PRKN: variants seen among roughly 807,000 people sequenced by gnomAD.
The protein encoded by PRKN is E3 ubiquitin-protein ligase parkin.
A neutral mutation model predicts 59.5 loss-of-function variants in PRKN; 56 were observed. The observed-to-expected ratio is 0.94, with a 90% CI of 0.76 to 1.18. PRKN has a LOEUF of 1.18. PRKN is among the 50% of genes most tolerant of loss of function. The probability of loss-of-function intolerance (pLI) is 0.00; values close to 1 mark genes in which losing one functional copy is unlikely to be tolerated. For missense variants in PRKN, 657 were observed against 596.4 expected, an observed-to-expected ratio of 1.10 and a Z score of -1.06; for synonymous variants, 250 against 222.1, an observed-to-expected ratio of 1.13 and a Z score of -1.12.
At chr6:162,306,994 C>A (rs1184884971) in intron 2 of PRKN, among the ~76,000 whole-genome samples, 1 of 152,158 alleles carries the variant, frequency 6.6e-6, no homozygotes, top group Admixed American at 6.5e-5. Context: ...GCATTAAATT[C>A]AAGATTTGTA....
intron 1 of PRKN, among the ~76,000 whole-genome samples, chr6:162,498,804 T>C (rs1251663840): frequency 1.3e-5 from 2 of 150,380 alleles, no homozygotes; most frequent in Non-Finnish European, 3.0e-5. Context: ...TATTATTCTG[T>C]AAGGTAAAAT....
intron 6 of PRKN, among the ~76,000 whole-genome samples, chr6:161,878,983 C>T (rs893518646): frequency 6.6e-6 from 1 of 152,158 alleles, no homozygotes; most frequent in African/African-American, 2.4e-5. Context: ...CCAGTGGCTC[C>T]TCATCCTTAC....
intron 7 of PRKN, among the ~76,000 whole-genome samples, chr6:161,635,737 A>T (rs964430805): frequency 2.0e-5 from 3 of 152,194 alleles, no homozygotes; most frequent in Admixed American, 2.0e-4. Flanking sequence ...GGAGAGTTCC[A>T]GAGTCCCAGG....
At chr6:162,021,452 T>TATAC (rs1220020381) in intron 5 of PRKN, among the ~76,000 whole-genome samples, 2 of 7,374 alleles carry the variant, frequency 2.7e-4, no homozygotes, top group African/African-American at 6.3e-4. Context: ...TATATATATA[T>TATAC]ATATATATAT....
intron 1 of PRKN, among the ~76,000 whole-genome samples, chr6:162,613,835 T>C (rs951634314): frequency 2.0e-5 from 3 of 151,728 alleles, no homozygotes; most frequent in African/African-American, 7.3e-5. Flanking sequence ...AAAAACACCA[T>C]ATAACTAATA....
intron 2 of PRKN, among the ~76,000 whole-genome samples, chr6:162,387,589 G>C (rs190011496): frequency 0.036 from 5,448 of 149,748 alleles, 143 homozygotes; most frequent in South Asian, 0.085. Flanking sequence ...GAGAGAGAGA[G>C]AGAGAGAGAG....
At chr6:162,467,964 G>A (rs1038956082) in intron 1 of PRKN, among the ~76,000 whole-genome samples, 1 of 152,190 alleles carries the variant, frequency 6.6e-6, no homozygotes, top group African/African-American at 2.4e-5. Context: ...CCTCTAGAGA[G>A]TATCTCAAAT....
At chr6:162,017,714 T>C (rs987870953) in intron 5 of PRKN, among the ~76,000 whole-genome samples, 5 of 152,200 alleles carry the variant, frequency 3.3e-5, no homozygotes, top group Non-Finnish European at 5.9e-5. Flanking sequence ...AAAGATCCCC[T>C]TGGGAAAATC....
intron 1 of PRKN, among the ~76,000 whole-genome samples, chr6:162,517,482 T>C (rs1777913619): frequency 6.6e-6 from 1 of 151,812 alleles, no homozygotes; most frequent in Admixed American, 6.6e-5. Flanking sequence ...GGTCTCGATC[T>C]CCTGACCTTG....
chr6:161,612,032 A>G (rs1006054900), intron 7 of PRKN, among the ~76,000 whole-genome samples: 2 of 152,250 alleles, frequency 1.3e-5, no homozygotes, highest in African/African-American at 4.8e-5. Context: ...ATCCAGAGCA[A>G]GGCCCTCTCT....
chr6:162,615,737 T>C (rs556758275), intron 1 of PRKN, among the ~76,000 whole-genome samples: 2 of 152,208 alleles, frequency 1.3e-5, no homozygotes, highest in African/African-American at 4.8e-5. Context: ...TTACAGGAAC[T>C]GAAAAATACA....
intron 1 of PRKN, among the ~76,000 whole-genome samples, chr6:162,702,540 C>T (rs1213321310): frequency 6.6e-6 from 1 of 152,148 alleles, no homozygotes; most frequent in Non-Finnish European, 1.5e-5. Context: ...AATTAAAGTT[C>T]CTTTCTTCTA....
chr6:161,727,985 G>A (rs1787516596), intron 7 of PRKN, among the ~76,000 whole-genome samples: 1 of 152,046 alleles, frequency 6.6e-6, no homozygotes, highest in African/African-American at 2.4e-5. Context: ...TAAATTAATT[G>A]AGAACTGGGG....
Position 161,544,664 on chromosome 6 carries a change from A to C in PRKN, c.1083+4190T>G, listed in dbSNP as rs1422971959. ...TGCAGCTTGAATTCTGGGAGGTAGT[A>C]CTTTCAAATAATTCTTTATAATGGT... On this transcript the variant is annotated intron_variant, in intron 9 of 11. Coordinates refer to ENST00000366898, the MANE Select transcript of PRKN (RefSeq NM_004562.3). The surrounding 1 kb of genome is among the most constrained non-coding windows in gnomAD (Gnocchi z 5.5). 6.6e-6 allele frequency among the ~76,000 whole-genome samples: 1 copy of C among 152,172 alleles called. No individual in the cohort carries two copies. Among genetic ancestry groups the C allele is most frequent in the Admixed American group, 6.5e-5 (1 of 15,268 alleles).
intron 7 of PRKN, chr6:161,716,253 TAAAGA>T (rs1164013042): frequency 3.7e-5 from 18 of 489,760 alleles, no homozygotes; most frequent in Admixed American, 7.2e-5. Context: ...TCAGTGCTGA[TAAAGA>T]ATTCAGAAAT....
intron 2 of PRKN, among the ~76,000 whole-genome samples, chr6:162,378,261 A>G (rs1206812815): frequency 6.6e-6 from 1 of 152,352 alleles, no homozygotes; most frequent in East Asian, 1.9e-4. Context: ...AAGTGAAACA[A>G]TTTATTTGGG....
chr6:161,478,532 G>C (rs535447183), intron 9 of PRKN, among the ~76,000 whole-genome samples: 5 of 151,682 alleles, frequency 3.3e-5, no homozygotes, highest in South Asian at 2.1e-4. Flanking sequence ...CTGTTATGTG[G>C]CTTCTTCAAA....
At chr6:162,709,092 C>G (rs994615435) in intron 1 of PRKN, among the ~76,000 whole-genome samples, 2 of 152,122 alleles carry the variant, frequency 1.3e-5, no homozygotes, top group Admixed American at 6.5e-5. Flanking sequence ...CACTGTCTCC[C>G]ATCACCTCCA....
intron 7 of PRKN, among the ~76,000 whole-genome samples, chr6:161,745,783 G>C (rs185908448): frequency 6.6e-6 from 1 of 152,218 alleles, no homozygotes. Context: ...CTAACAGCCC[G>C]ACTGGAAGAA....
Sources: allele counts gnomAD v4.1 joint callset (sites outside exome capture counted in the v4.1 genomes callset), GRCh38; gene constraint gnomAD v4.1.1; non-coding constraint Gnocchi (gnomAD v3.1); transcripts MANE v1.5; gene names NCBI Gene and HGNC (gene_info 2026-07-23, HGNC 2026-07-21).